The following CASK variants were observed in gnomAD, a reference collection of about 807,000 sequenced individuals.
CASK encodes calcium/calmodulin dependent serine protein kinase.
CASK carries 4 observed loss-of-function variants against 82.9 expected under a neutral mutation model. The ratio of observed to expected loss-of-function variants is 0.05; its 90% CI spans 0.02 to 0.11. The LOEUF (loss-of-function observed/expected upper bound fraction) is 0.11, where lower values mean the gene tolerates loss of function less well. Ranked by LOEUF, CASK falls within the 10% of genes least tolerant of loss-of-function variation. CASK has a pLI of 1.00. For synonymous variants in CASK, 259 were observed against 253.5 expected (o/e 1.02, Z -0.20); for missense variants, 358 against 720.9 (o/e 0.50, Z 5.76).
chrX:41,869,810 C>T (rs1221068105), intron 1 of CASK, among the ~76,000 whole-genome samples: 2 of 10,621 alleles, frequency 1.9e-4, no homozygotes, highest in Non-Finnish European at 3.5e-4. Context: ...AAGACTCTGT[C>T]TCAAAAAAAA....
chrX:41,834,170 T>C (rs992829304), intron 2 of CASK, among the ~76,000 whole-genome samples: 1 of 112,277 alleles, frequency 8.9e-6, no homozygotes, highest in African/African-American at 3.2e-5. Context: ...ATTCACTTTC[T>C]CAACACTGAT....
chrX:41,913,253 A>G (rs1351638531), intron 1 of CASK, among the ~76,000 whole-genome samples: 1 of 112,337 alleles, frequency 8.9e-6, no homozygotes, highest in East Asian at 2.8e-4. Flanking sequence ...ATGCTAAATG[A>G]CGAGTTAATG....
At chrX:41,565,518 C>A (rs745333005) in intron 16 of CASK, among the ~76,000 whole-genome samples, 3 of 111,675 alleles carry the variant, frequency 2.7e-5, no homozygotes, top group Non-Finnish European at 5.6e-5. Context: ...CACCTACATT[C>A]TCCCAAGACT....
chrX:41,906,245 T>C (rs1227272618), intron 1 of CASK, among the ~76,000 whole-genome samples: 1 of 112,120 alleles, frequency 8.9e-6, no homozygotes, highest in African/African-American at 3.2e-5. Flanking sequence ...CTCTAGGTTG[T>C]AGAGATACAA....
intron 1 of CASK, among the ~76,000 whole-genome samples, chrX:41,855,645 T>G (rs2071353156): frequency 9.0e-6 from 1 of 111,479 alleles, no homozygotes; most frequent in African/African-American, 3.3e-5. Context: ...GGCCTGTACA[T>G]TTTATTGATG....
intron 8 of CASK, among the ~76,000 whole-genome samples, chrX:41,648,769 TA>T (rs776047467): frequency 8.9e-6 from 1 of 112,076 alleles, no homozygotes; most frequent in Non-Finnish European, 1.9e-5. Context: ...GCTGACCTCA[TA>T]AAATGAGTTA....
chrX:41,669,610 G>A (rs752865688), intron 6 of CASK, among the ~76,000 whole-genome samples: 10 of 112,058 alleles, frequency 8.9e-5, no homozygotes, highest in Non-Finnish European at 1.9e-4. Flanking sequence ...AATTGAGAGA[G>A]TTAGCTTAAC....
chrX:41,669,152 AAAAGGTGTGC>A (rs2067160275), intron 6 of CASK, among the ~76,000 whole-genome samples: 2 of 112,202 alleles, frequency 1.8e-5, no homozygotes, highest in East Asian at 5.5e-4. Flanking sequence ...AGAATACAAA[AAAAGGTGTGC>A]TAAGAAATGA....
At chrX:41,835,867 T>C (rs1278703089) in intron 2 of CASK, among the ~76,000 whole-genome samples, 2 of 112,477 alleles carry the variant, frequency 1.8e-5, no homozygotes, top group Non-Finnish European at 3.8e-5. Flanking sequence ...TTTCACAGAA[T>C]AGCAGGATCT....
intron 5 of CASK, among the ~76,000 whole-genome samples, chrX:41,679,677 T>G (rs1411927914): frequency 8.9e-6 from 1 of 111,757 alleles, no homozygotes; most frequent in Non-Finnish European, 1.9e-5. Flanking sequence ...ATTTAATGTG[T>G]TTTAATCAGT....
chrX:41,822,162 T>C (rs1412555346), intron 2 of CASK, among the ~76,000 whole-genome samples: 2 of 112,671 alleles, frequency 1.8e-5, no homozygotes, highest in East Asian at 2.8e-4. Flanking sequence ...CACTGACTTG[T>C]TTCTTTGTGC....
At chrX:41,747,295 AG>A (rs2068702274) in intron 3 of CASK, among the ~76,000 whole-genome samples, 1 of 111,443 alleles carries the variant, frequency 9.0e-6, no homozygotes, top group Non-Finnish European at 1.9e-5. Context: ...ATAATGGTCT[AG>A]TCTACTCCCT....
intron 3 of CASK, chrX:41,748,468 G>C (rs1320450219): frequency 6.2e-6 from 1 of 161,449 alleles, no homozygotes; most frequent in Non-Finnish European, 1.2e-5. Flanking sequence ...GCAACCCAAA[G>C]ATCTAGTAAA....
At chrX:41,610,100 T>C in intron 11 of CASK, 75 bp from the exon 12 acceptor site, 2 of 1,012,195 alleles carry the variant, frequency 2.0e-6, no homozygotes, top group Non-Finnish European at 2.7e-6. Context: ...ACCTAAATCT[T>C]ACACTTAAGA....
At chrX:41,844,005 A>G (rs1157403219) in intron 2 of CASK, among the ~76,000 whole-genome samples, 2 of 111,803 alleles carry the variant, frequency 1.8e-5, no homozygotes, top group Non-Finnish European at 3.8e-5. Flanking sequence ...ACAAGATTTT[A>G]TCTGGATATA....
intron 1 of CASK, among the ~76,000 whole-genome samples, chrX:41,883,880 T>C (rs1177078629): frequency 5.4e-5 from 6 of 111,560 alleles, no homozygotes; most frequent in Non-Finnish European, 1.1e-4. Flanking sequence ...CACCCTGTAC[T>C]AGTCAGTTCA....
At chrX:41,694,716 C>T (rs1384100125) in intron 5 of CASK, among the ~76,000 whole-genome samples, 3 of 111,821 alleles carry the variant, frequency 2.7e-5, no homozygotes, top group Non-Finnish European at 5.6e-5. Context: ...CTTTTTTCTC[C>T]TGTCCAGTGA....
intron 15 of CASK, among the ~76,000 whole-genome samples, chrX:41,577,326 T>A (rs775833624): frequency 8.9e-6 from 1 of 111,977 alleles, no homozygotes; most frequent in East Asian, 2.8e-4. Context: ...TTGACATCCA[T>A]CCCTCAAGTT....
At chrX:41,594,036 C>T (rs1176133488) in intron 12 of CASK, among the ~76,000 whole-genome samples, 1 of 111,740 alleles carries the variant, frequency 8.9e-6, no homozygotes, top group African/African-American at 3.3e-5. Flanking sequence ...ACCCACCCCC[C>T]ATTCTATCAT....
Sources: gnomAD v4.1 joint callset for allele counts (sites outside exome capture counted in the v4.1 genomes callset) on GRCh38, gnomAD v4.1.1 for gene constraint, MANE v1.5 for transcripts, NCBI Gene and HGNC (gene_info 2026-07-23, HGNC 2026-07-21) for gene names.